The following EBF1 variants were observed in gnomAD, a reference collection of about 807,000 sequenced individuals.
EBF1 encodes EBF transcription factor 1.
A neutral mutation model predicts 68.4 loss-of-function variants in EBF1; 10 were observed. The observed-to-expected ratio is 0.15, with a 90% CI of 0.09 to 0.25. The LOEUF is 0.25. EBF1 is among the 10% of genes least tolerant of loss of function. EBF1 has a pLI of 1.00. For synonymous variants in EBF1, 298 were observed against 299.8 expected (o/e 0.99, Z 0.06); for missense variants, 509 against 794.4 (o/e 0.64, Z 4.32).
At chr5:159,072,806 G>A (rs1320507782) in intron 6 of EBF1, among the ~76,000 whole-genome samples, 1 of 152,196 alleles carries the variant, frequency 6.6e-6, no homozygotes, top group African/African-American at 2.4e-5. Flanking sequence ...TGTCAGATTA[G>A]TAATATGGAT....
intron 11 of EBF1, among the ~76,000 whole-genome samples, chr5:158,724,608 T>C (rs1581342098): frequency 1.3e-5 from 2 of 152,344 alleles, no homozygotes; most frequent in African/African-American, 2.4e-5. Flanking sequence ...GTATTTATGA[T>C]AAATCACTAA....
intron 11 of EBF1, among the ~76,000 whole-genome samples, chr5:158,721,143 T>C (rs1208924619): frequency 1.3e-5 from 2 of 151,350 alleles, no homozygotes; most frequent in Non-Finnish European, 2.9e-5. Flanking sequence ...GGACCTCTTC[T>C]GAACCTCCTC....
intron 13 of EBF1, 104 bp downstream of exon 13, chr5:158,712,866 T>C (rs1398331803): frequency 8.5e-7 from 1 of 1,176,358 alleles, no homozygotes; most frequent in African/African-American, 1.6e-5. Context: ...GAATCTCCCT[T>C]TTGGGATGAA....
chr5:158,935,597 T>C (rs1027576661), intron 6 of EBF1, among the ~76,000 whole-genome samples: 2 of 152,188 alleles, frequency 1.3e-5, no homozygotes, highest in African/African-American at 4.8e-5. Context: ...AAGGCATTTA[T>C]CAAAAGGATA....
chr5:158,742,838 G>A (rs892662540), intron 10 of EBF1, among the ~76,000 whole-genome samples: 5 of 152,196 alleles, frequency 3.3e-5, no homozygotes, highest in Admixed American at 3.3e-4. Context: ...TGTAAGTTCT[G>A]TGAACAAAGG....
intron 15 of EBF1, among the ~76,000 whole-genome samples, chr5:158,703,604 A>G (rs1757226813): frequency 4.5e-5 from 1 of 22,340 alleles, no homozygotes; most frequent in African/African-American, 9.2e-5. Flanking sequence ...TGCTTTTTCA[A>G]AAAAAAAAAA....
chr5:158,920,504 G>T (rs1808173279), intron 6 of EBF1, among the ~76,000 whole-genome samples: 1 of 152,192 alleles, frequency 6.6e-6, no homozygotes, highest in Non-Finnish European at 1.5e-5. Flanking sequence ...GCAGGCCTTG[G>T]TGGCCAGTGT....
intron 6 of EBF1, among the ~76,000 whole-genome samples, chr5:158,969,555 G>C (rs931280782): frequency 1.1e-4 from 16 of 149,796 alleles, no homozygotes; most frequent in Non-Finnish European, 1.6e-4. Context: ...CTTGAGCCCA[G>C]GAGTTTGAGA....
At chr5:158,967,819 C>T (rs1754481212) in intron 6 of EBF1, among the ~76,000 whole-genome samples, 1 of 152,142 alleles carries the variant, frequency 6.6e-6, no homozygotes, top group Non-Finnish European at 1.5e-5. Flanking sequence ...ACTAGTTTCC[C>T]CCTAGGGCAA....
chr5:158,897,957 G>A (rs1056101905), intron 6 of EBF1, among the ~76,000 whole-genome samples: 1 of 152,176 alleles, frequency 6.6e-6, no homozygotes, highest in Non-Finnish European at 1.5e-5. Context: ...GGTACTGGGC[G>A]AGGCATCTAG....
At chr5:158,958,861 A>G (rs767464970) in intron 6 of EBF1, among the ~76,000 whole-genome samples, 2 of 152,146 alleles carry the variant, frequency 1.3e-5, no homozygotes, top group Non-Finnish European at 2.9e-5. Context: ...ATTTTAAACC[A>G]TGGGTAATTT....
At chr5:158,831,949 G>C (rs1787679242) in intron 7 of EBF1, among the ~76,000 whole-genome samples, 1 of 152,172 alleles carries the variant, frequency 6.6e-6, no homozygotes, top group Admixed American at 6.5e-5. Context: ...TGCTTGACAG[G>C]ACTAAAGCAA....
chr5:158,787,848 C>T (rs1200332691), intron 9 of EBF1, among the ~76,000 whole-genome samples: 3 of 152,238 alleles, frequency 2.0e-5, no homozygotes, highest in African/African-American at 7.2e-5. Context: ...TTCACCATCA[C>T]CAATAGATTT....
intron 6 of EBF1, among the ~76,000 whole-genome samples, chr5:158,858,305 G>A (rs566625120): frequency 2.6e-5 from 4 of 152,168 alleles, no homozygotes; most frequent in Non-Finnish European, 5.9e-5. Context: ...GAGAACAGCA[G>A]ACCCGCCTGA....
intron 10 of EBF1, 93 bp from the exon 11 acceptor site, chr5:158,731,250 C>G: frequency 8.3e-7 from 1 of 1,198,362 alleles, no homozygotes; most frequent in Non-Finnish European, 1.2e-6. Flanking sequence ...ACCAGGAAGT[C>G]CAAAGTTTAA....
In EBF1 at chr5:159,091,916, T is replaced by C. The variant is rs147292108; in HGVS notation, c.411+3704A>G. ...TTCCTGCTTCTCAAGCAGGCTTTTG[T>C]TTAGGGGAAGAGTGTTTTGTTTTGA... On this transcript the variant is annotated intron_variant, in intron 4 of 15. Coordinates refer to ENST00000313708, the MANE Select transcript of EBF1 (RefSeq NM_024007.5). Among the ~76,000 whole-genome samples, 198 of 152,270 alleles carry C rather than the reference T, an allele frequency of 1.3e-3. 1 individual carries two copies. The highest frequency in any genetic ancestry group is 4.5e-3 in the African/African-American group (186 of 41,556).
intron 6 of EBF1, among the ~76,000 whole-genome samples, chr5:158,924,003 C>T (rs929361692): frequency 7.9e-5 from 12 of 152,166 alleles, no homozygotes; most frequent in African/African-American, 2.9e-4. Flanking sequence ...TAGTTTTAAG[C>T]CCTTGAGACC....
intron 9 of EBF1, among the ~76,000 whole-genome samples, chr5:158,779,484 A>G (rs1280554617): frequency 9.2e-5 from 14 of 151,930 alleles, no homozygotes; most frequent in Admixed American, 4.6e-4. Flanking sequence ...TGCTCTCTCC[A>G]TTTTTCATTT....
chr5:158,708,288 T>A (rs763691710), intron 14 of EBF1, 115 bp from the exon 15 acceptor site: 7 of 1,084,738 alleles, frequency 6.5e-6, no homozygotes, highest in Non-Finnish European at 9.2e-6. Context: ...AGACGATGCT[T>A]CCAGCACAAA....
Sources: gnomAD v4.1 joint callset for allele counts (sites outside exome capture counted in the v4.1 genomes callset) on GRCh38, gnomAD v4.1.1 for gene constraint, MANE v1.5 for transcripts, NCBI Gene and HGNC (gene_info 2026-07-23, HGNC 2026-07-21) for gene names.